Variants in AKAP9 observed in about 807,000 individuals in gnomAD.
The protein encoded by AKAP9 is A-kinase anchoring protein 9.
Under a neutral mutation model 488.5 loss-of-function variants are expected in AKAP9, and 311 were observed. The observed-to-expected ratio is 0.64, with a 90% CI of 0.58 to 0.70. AKAP9 has a LOEUF of 0.70. Among genes scored for constraint, AKAP9 ranks in the 30% least tolerant of loss-of-function variants. The pLI, the probability that AKAP9 is intolerant of heterozygous loss-of-function variation, is 0.00. For missense variants in AKAP9, 4,215 were observed against 4,374.5 expected, an observed-to-expected ratio of 0.96 and a Z score of 1.03; for synonymous variants, 1,462 against 1,483.5, an observed-to-expected ratio of 0.99 and a Z score of 0.33.
chr7:91,958,804 C>T (rs944101180), intron 1 of AKAP9, among the ~76,000 whole-genome samples: 1 of 151,962 alleles, frequency 6.6e-6, no homozygotes, highest in Admixed American at 6.6e-5. Context: ...TCTATATATG[C>T]AGCTTTGTTC....
chr7:91,948,123 T>G (rs1301697816), intron 1 of AKAP9, among the ~76,000 whole-genome samples: 1 of 152,228 alleles, frequency 6.6e-6, no homozygotes, highest in Admixed American at 6.5e-5. Context: ...TATCAGTACT[T>G]CATTCCTTTT....
Position 92,079,603 on chromosome 7 carries a change from C to T in AKAP9, c.7470C>T (p.Gly2490=), listed in dbSNP as rs781544522. The change falls in exon 31 of 50, where the codon GGC becomes GGT. Residue 2490 remains glycine (G), a synonymous_variant. Coordinates refer to ENST00000356239, the MANE Select transcript of AKAP9 (RefSeq NM_005751.5). ...QTYFKSFEEN[G]KGSIINLETR... Reference sequence around the variant, plus strand: ...ACTTCAAATCTTTTGAAGAAAATGGCAAAGGTTCCATAATTAATTTGGAAA... The same window carrying T: ...ACTTCAAATCTTTTGAAGAAAATGGTAAAGGTTCCATAATTAATTTGGAAA... 6.2e-7 allele frequency: 1 copy of T among 1,613,866 alleles called. No individual in the cohort carries two copies. The highest frequency in any genetic ancestry group is 1.1e-5 in the South Asian group (1 of 91,066).
At chr7:92,091,364 G>T (rs1002704692) in intron 38 of AKAP9, among the ~76,000 whole-genome samples, 11 of 151,930 alleles carry the variant, frequency 7.2e-5, no homozygotes, top group Admixed American at 3.3e-4. Flanking sequence ...GAGGTGGGAG[G>T]ATCACGAGGT....
At chr7:92,095,597 C>G (rs540384502) in intron 40 of AKAP9, among the ~76,000 whole-genome samples, 20 of 152,154 alleles carry the variant, frequency 1.3e-4, no homozygotes, top group Non-Finnish European at 2.5e-4. Flanking sequence ...GAGACACACC[C>G]CTGCTTTGCA....
intron 42 of AKAP9, 150 bp from the exon 43 acceptor site, chr7:92,097,959 A>G (rs1489335939): frequency 2.3e-6 from 2 of 852,004 alleles, no homozygotes; most frequent in Non-Finnish European, 1.9e-6. Flanking sequence ...TCTGAAAACA[A>G]CTATCTAACA....
intron 12 of AKAP9, among the ~76,000 whole-genome samples, chr7:92,020,526 C>A (rs1200002668): frequency 6.6e-6 from 1 of 152,136 alleles, no homozygotes; most frequent in Non-Finnish European, 1.5e-5. Flanking sequence ...ACTTGATTAC[C>A]CTTCTGTCCT....
intron 1 of AKAP9, among the ~76,000 whole-genome samples, chr7:91,942,906 T>C (rs1401160872): frequency 6.6e-6 from 1 of 152,116 alleles, no homozygotes; most frequent in Non-Finnish European, 1.5e-5. Flanking sequence ...AGGCAAGGTG[T>C]GTTTGCTGCA....
In AKAP9 at chr7:92,001,455, A is replaced by G. The variant is rs786205713; in HGVS notation, c.1538A>G (p.Lys513Arg). ...QDTNSQKEKL[K>R]EELGLILEEK... Reference sequence around the variant, plus strand: ...ACTAACTCTCAAAAGGAAAAACTCAAGGAAGAACTAGGACTAATTTTAGAA... The same window carrying G: ...ACTAACTCTCAAAAGGAAAAACTCAGGGAAGAACTAGGACTAATTTTAGAA... Residue 513 changes from lysine to arginine, a missense_variant, in exon 8 of 50, where the codon AAG becomes AGG. Lys to Arg is a conservative substitution (Grantham distance 26, BLOSUM62 2). Coordinates refer to ENST00000356239, the MANE Select transcript of AKAP9 (RefSeq NM_005751.5). The G allele has an allele frequency of 9.3e-6, 15 of 1,613,802 alleles. No homozygotes were observed. The Admixed American group carries it at 1.2e-4, about 13-fold the overall frequency.
At chr7:92,011,474 TC>T (rs1366863009) in intron 8 of AKAP9, among the ~76,000 whole-genome samples, 1 of 152,174 alleles carries the variant, frequency 6.6e-6, no homozygotes, top group Non-Finnish European at 1.5e-5. Flanking sequence ...TCAGTGTACT[TC>T]CAGTCATAAT....
At chr7:91,998,521 A>G (rs1205613322) in intron 7 of AKAP9, among the ~76,000 whole-genome samples, 3 of 142,890 alleles carry the variant, frequency 2.1e-5, no homozygotes, top group Non-Finnish European at 3.0e-5. Context: ...AAAATAAACC[A>G]TAAATTTGTG....
At chr7:91,987,721 A>G (rs1400799753) in intron 3 of AKAP9, among the ~76,000 whole-genome samples, 3 of 152,198 alleles carry the variant, frequency 2.0e-5, no homozygotes, top group Non-Finnish European at 4.4e-5. Context: ...GCTTGACTCA[A>G]CTAGAATTAC....
chr7:92,107,283 G>A lies in AKAP9; in HGVS notation c.11417-10G>A. On this transcript the variant is annotated splice_polypyrimidine_tract_variant and intron_variant, in intron 47 of 49. Transcript: ENST00000356239. ...TTTTTCTTTACAAGGAATATTTTGG[G>A]TTACTTTAGGTGCAGAAAAGACTGA... 2 of 1,613,684 alleles carry A rather than the reference G, an allele frequency of 1.2e-6. No homozygotes were observed. Among genetic ancestry groups the A allele is most frequent in the Non-Finnish European group, 1.7e-6 (2 of 1,179,862 alleles).
At chr7:92,031,725 G>A (rs1352373475) in intron 16 of AKAP9, 121 bp downstream of exon 16, 8 of 760,120 alleles carry the variant, frequency 1.1e-5, no homozygotes, top group Admixed American at 2.5e-5. Flanking sequence ...TCATCTTTAA[G>A]TGATTGGATA....
chr7:92,091,198 C>T (rs1430402050), intron 38 of AKAP9, among the ~76,000 whole-genome samples: 1 of 152,110 alleles, frequency 6.6e-6, no homozygotes, highest in Non-Finnish European at 1.5e-5. Flanking sequence ...AGGACACATA[C>T]CTGTGTGTTC....
At chr7:92,063,071 G>T (rs538191453) in intron 24 of AKAP9, among the ~76,000 whole-genome samples, 3 of 130,894 alleles carry the variant, frequency 2.3e-5, no homozygotes, top group African/African-American at 9.2e-5. Flanking sequence ...GTCAGTCTTG[G>T]TAATGATGGA....
rs910995516 is a variant in AKAP9 at position 92,102,819 on chromosome 7, A to G, written c.11323A>G (p.Ile3775Val). 2.4e-5 allele frequency: 39 copies of G among 1,613,682 alleles called. No individual in the cohort carries two copies. The highest frequency in any genetic ancestry group is 4.0e-5 in the African/African-American group (3 of 74,902). ...FRSAVRVSIA[I>V]SRMKFLVRRW... ...GTCGGCCGTCAGAGTATCCATTGCA[A>G]TTTCCAGGTAAAGACTTGAAGGAAA... Residue 3775 changes from isoleucine (I) to valine (V), a missense_variant, in exon 46 of 50, where the codon ATT becomes GTT. Physicochemically the swap from Ile to Val is conservative, Grantham distance 29 (BLOSUM62 3). Transcript: ENST00000356239.
At chr7:91,944,642 C>T (rs1791204209) in intron 1 of AKAP9, among the ~76,000 whole-genome samples, 1 of 152,180 alleles carries the variant, frequency 6.6e-6, no homozygotes, top group Non-Finnish European at 1.5e-5. Flanking sequence ...CTGCCTCGAC[C>T]TCCCAAAGTG....
intron 38 of AKAP9, among the ~76,000 whole-genome samples, chr7:92,090,855 A>T (rs1036081719): frequency 3.3e-5 from 5 of 152,210 alleles, no homozygotes; most frequent in Non-Finnish European, 7.4e-5. Context: ...ATAAGGTCAA[A>T]TGATTTTCCT....
intron 1 of AKAP9, among the ~76,000 whole-genome samples, chr7:91,962,194 T>C (rs1161941302): frequency 6.6e-6 from 1 of 152,180 alleles, no homozygotes; most frequent in Non-Finnish European, 1.5e-5. Flanking sequence ...ATTTTTCAGA[T>C]TGAGAGTAAA....
Sources: gnomAD v4.1 joint callset for allele counts (sites outside exome capture counted in the v4.1 genomes callset) on GRCh38, gnomAD v4.1.1 for gene constraint, MANE v1.5 for transcripts, NCBI Gene and HGNC (gene_info 2026-07-23, HGNC 2026-07-21) for gene names.